CACNA1G: variants seen among roughly 807,000 people sequenced by gnomAD.
CACNA1G encodes voltage-dependent T-type calcium channel subunit alpha-1G.
Under a neutral mutation model 219.4 loss-of-function variants are expected in CACNA1G, and 67 were observed. The ratio of observed to expected loss-of-function variants is 0.31; its 90% CI spans 0.25 to 0.37. CACNA1G has a LOEUF of 0.37. Ranked by LOEUF, CACNA1G falls within the 10% of genes least tolerant of loss-of-function variation. CACNA1G has a pLI of 1.00. For missense variants in CACNA1G, 2,380 were observed against 3,231.4 expected, an observed-to-expected ratio of 0.74 and a Z score of 6.39; for synonymous variants, 1,296 against 1,345.3, an observed-to-expected ratio of 0.96 and a Z score of 0.80.
At chr17:50,604,677 G>C (rs1007467468) in intron 22 of CACNA1G, among the ~76,000 whole-genome samples, 1 of 152,242 alleles carries the variant, frequency 6.6e-6, no homozygotes, top group African/African-American at 2.4e-5. Context: ...GGCCAGGTTA[G>C]CAGCGTGCTG....
In CACNA1G at chr17:50,575,659, C is replaced by T. The variant is rs756530578; in HGVS notation, c.1257C>T (p.Asn419=). Reference sequence around the variant, plus strand: ...AGCAGCGTGTGCGGTTCCTGTCCAACGCCAGCACCCTGGCTAGCTTCTCTG... The same window carrying T: ...AGCAGCGTGTGCGGTTCCTGTCCAATGCCAGCACCCTGGCTAGCTTCTCTG... ...MREQRVRFLS[N]ASTLASFSEP... is the part of the protein sequence containing the mutation. The change falls in exon 8 of 38, where the codon AAC becomes AAT. Residue 419 remains asparagine, a synonymous_variant. Coordinates refer to ENST00000359106, the MANE Select transcript of CACNA1G (RefSeq NM_018896.5). The T allele has an allele frequency of 1.3e-5, 21 of 1,613,352 alleles. No individual in the cohort carries two copies. The highest frequency in any genetic ancestry group is 5.3e-5 in the African/African-American group (4 of 74,912).
In CACNA1G at chr17:50,625,994, G is replaced by A. The variant is rs759413888; in HGVS notation, c.6400-23G>A. 13 of 1,581,124 alleles carry A rather than the reference G, an allele frequency of 8.2e-6. No individual in the cohort carries two copies. The African/African-American group carries it at 1.3e-4, about 16-fold the overall frequency. On this transcript the variant is annotated intron_variant, in intron 37 of 37. Transcript: ENST00000359106. ...ATGCTGGAGAGGAGACTGCTGGGCT[G>A]AGCCCTCCCCCACCCCATATAGGCA...
At position 50,608,090 on chromosome 17, in the gene CACNA1G, C is replaced by A. The variant is rs549019143; in HGVS notation, c.4705+71C>A. 159 of 1,423,024 alleles carry A rather than the reference C, an allele frequency of 1.1e-4. 1 individual carries two copies. The South Asian group carries it at 1.9e-3, about 17-fold the overall frequency. 88.1% of individuals were successfully genotyped at this position (1,423,024 alleles called of 1,614,324 possible). On this transcript the variant is annotated intron_variant, in intron 25 of 37. Coordinates refer to ENST00000359106, the MANE Select transcript of CACNA1G (RefSeq NM_018896.5). ...TGGGTCGTGCTTGACCTTGGCCTTG[C>A]GACTGCAGGGGGCTGGGCGCTGGGG... is the stretch of plus-strand genomic sequence containing the variant.
Position 50,592,044 on chromosome 17 carries a change from G to C in CACNA1G, c.2862G>C (p.Val954=). The part of the protein sequence containing the change: ...FIALMTFGNY[V]LFNLLVAILV... ...CCCTCATGACCTTCGGCAACTACGT[G>C]CTCTTCAATTTGCTGGTCGCCATTC... The change falls in exon 13 of 38, where the codon GTG becomes GTC. Residue 954 remains valine, a synonymous_variant. Coordinates refer to ENST00000359106, the MANE Select transcript of CACNA1G (RefSeq NM_018896.5). 2.5e-6 allele frequency: 4 copies of C among 1,613,976 alleles called. No homozygotes were observed. The highest frequency in any genetic ancestry group is 3.4e-6 in the Non-Finnish European group (4 of 1,179,874).
intron 37 of CACNA1G, 30 bp from the exon 38 acceptor site, chr17:50,625,987 C>A (rs770521060): frequency 6.4e-7 from 1 of 1,573,660 alleles, no homozygotes; most frequent in East Asian, 2.3e-5. Flanking sequence ...GAGGAGACTG[C>A]TGGGCTGAGC....
At chr17:50,579,446 G>A (rs2041440889) in intron 9 of CACNA1G, among the ~76,000 whole-genome samples, 1 of 152,114 alleles carries the variant, frequency 6.6e-6, no homozygotes, top group Non-Finnish European at 1.5e-5. Context: ...GCTTGTTGGG[G>A]GTCCAAGCAG....
Position 50,585,484 on chromosome 17 carries a change from G to T in CACNA1G, c.2302-4987G>T, listed in dbSNP as rs577562221. On this transcript the variant is annotated intron_variant, in intron 9 of 37. Transcript: ENST00000359106. The stretch of plus-strand genomic sequence containing the variant: ...TGACAGTGGAGAGGTGGGAGTGGGG[G>T]TGCTGGTGGGGGGAATAAGCGTAGA... Among the ~76,000 whole-genome samples, 9 of 152,324 alleles carry T rather than the reference G, an allele frequency of 5.9e-5. 1 individual carries two copies. The South Asian group carries it at 1.9e-3, about 32-fold the overall frequency.
intron 26 of CACNA1G, among the ~76,000 whole-genome samples, chr17:50,614,148 C>T (rs754537930): frequency 3.3e-5 from 5 of 152,196 alleles, no homozygotes; most frequent in Non-Finnish European, 7.3e-5. Context: ...GGTGGGGGCC[C>T]ACCCCAGGCC....
In CACNA1G at chr17:50,575,887, G is replaced by A. The variant is rs973743491; in HGVS notation, c.1485G>A (p.Val495=). The part of the protein sequence containing the change: ...SHRRLSVHHL[V]HHHHHHHHHY... ...GCCGCCTATCCGTCCACCACCTGGT[G>A]CACCACCACCACCACCATCACCACC... Residue 495 remains valine, a synonymous_variant, in exon 8 of 38, where the codon GTG becomes GTA. Coordinates refer to ENST00000359106, the MANE Select transcript of CACNA1G (RefSeq NM_018896.5). The A allele has an allele frequency of 1.9e-6, 3 of 1,555,952 alleles. No individual in the cohort carries two copies. The highest frequency in any genetic ancestry group is 1.4e-5 in the African/African-American group (1 of 73,362).
chr17:50,594,116 C>T (rs2044976185), intron 13 of CACNA1G, among the ~76,000 whole-genome samples: 1 of 152,194 alleles, frequency 6.6e-6, no homozygotes. Flanking sequence ...AAGGGTAGCC[C>T]CCCTGCTGGC....
intron 9 of CACNA1G, among the ~76,000 whole-genome samples, chr17:50,581,434 G>C (rs1282252352): frequency 6.6e-6 from 1 of 151,996 alleles, no homozygotes; most frequent in Non-Finnish European, 1.5e-5. Flanking sequence ...CTGGTGCTTT[G>C]CCAGAGGAGG....
intron 13 of CACNA1G, among the ~76,000 whole-genome samples, chr17:50,594,031 G>A (rs1474204666): frequency 6.6e-6 from 1 of 152,178 alleles, no homozygotes; most frequent in African/African-American, 2.4e-5. Flanking sequence ...TTTTTATTTT[G>A]ACAAATAAGA....
rs1416665791 is a variant in CACNA1G at position 50,627,053 on chromosome 17, T to C, written c.*302T>C. On this transcript the variant is annotated 3_prime_UTR_variant, in exon 38 of 38. Coordinates refer to ENST00000359106, the MANE Select transcript of CACNA1G (RefSeq NM_018896.5). ...AATCTCTATGTATATTCTATTTTAT[T>C]AAATTAATTGAATCTAGTATATGCG... 1 of 553,824 alleles carries C rather than the reference T, an allele frequency of 1.8e-6. No homozygotes were observed. The highest frequency in any genetic ancestry group is 4.4e-5 in the East Asian group (1 of 22,732). 34.3% of individuals were successfully genotyped at this position (553,824 alleles called of 1,614,324 possible).
Position 50,619,777 on chromosome 17 carries a change from A to G in CACNA1G, c.5876A>G (p.Gln1959Arg). Residue 1959 changes from glutamine to arginine, a missense_variant, in exon 34 of 38, where the codon CAG (glutamine) becomes CGG (arginine). Physicochemically the swap from Gln to Arg is conservative, Grantham distance 43. Transcript: ENST00000359106. ...LMDELAGPGG[Q>R]PSAFPSAPSL... ...GACGAGCTGGCAGGCCCAGGGGGCC[A>G]GCCCTCTGCCTTCCCTTCTGCCCCC... The G allele has an allele frequency of 6.2e-7, 1 of 1,606,942 alleles. No homozygotes were observed. The highest frequency in any genetic ancestry group is 8.5e-7 in the Non-Finnish European group (1 of 1,177,956).
chr17:50,594,477 C>T (rs952935048), intron 13 of CACNA1G, among the ~76,000 whole-genome samples: 55 of 152,298 alleles, frequency 3.6e-4, no homozygotes, highest in African/African-American at 1.3e-3. Flanking sequence ...ACCCATTCCC[C>T]AAGCCCACTG....
chr17:50,584,956 T>C (rs1168085109), intron 9 of CACNA1G, among the ~76,000 whole-genome samples: 1 of 152,174 alleles, frequency 6.6e-6, no homozygotes, highest in Non-Finnish European at 1.5e-5. Context: ...TCTCTAGCGA[T>C]ACTCAGCACT....
intron 34 of CACNA1G, among the ~76,000 whole-genome samples, chr17:50,620,783 A>C (rs2051679276): frequency 1.3e-5 from 2 of 152,244 alleles, no homozygotes; most frequent in South Asian, 4.1e-4. Context: ...ATTCAGTCTC[A>C]GATCTGGCAA....
chr17:50,626,499 T>A lies in CACNA1G; in HGVS notation c.6882T>A (p.Pro2294=). ...GTDPSNLGGQ[P]LGGPGSRPKK... ...ACCCCTCTAACCTTGGGGGCCAGCC[T>A]CTTGGGGGGCCTGGGAGCCGGCCCA... The change falls in exon 38 of 38, where the codon CCT becomes CCA. Residue 2294 remains proline, a synonymous_variant. Coordinates refer to ENST00000359106, the MANE Select transcript of CACNA1G (RefSeq NM_018896.5). The surrounding 1 kb of genome is among the most constrained non-coding windows in gnomAD (Gnocchi z 4.3). The A allele has an allele frequency of 6.3e-7, 1 of 1,585,376 alleles. No individual in the cohort carries two copies. The highest frequency in any genetic ancestry group is 8.6e-7 in the Non-Finnish European group (1 of 1,167,278).
At chr17:50,580,740 G>A (rs969401171) in intron 9 of CACNA1G, among the ~76,000 whole-genome samples, 5 of 152,202 alleles carry the variant, frequency 3.3e-5, no homozygotes, top group South Asian at 2.1e-4. Flanking sequence ...GGTTTTGTCC[G>A]CATACCTGGT....
Sources: gnomAD v4.1 joint callset for allele counts (sites outside exome capture counted in the v4.1 genomes callset) on GRCh38, gnomAD v4.1.1 for gene constraint, Gnocchi (gnomAD v3.1) non-coding constraint, MANE v1.5 for transcripts, NCBI Gene and HGNC (gene_info 2026-07-23, HGNC 2026-07-21) for gene names.